GRIA1: variants seen among roughly 807,000 people sequenced by gnomAD.
GRIA1 encodes glutamate ionotropic receptor AMPA type subunit 1.
GRIA1 carries 31 observed loss-of-function variants against 99.2 expected under a neutral mutation model. That is an observed-to-expected ratio of 0.31 (90% CI 0.23 to 0.42). The LOEUF is 0.42. Ranked by LOEUF, GRIA1 falls within the 10% of genes least tolerant of loss-of-function variation. The probability of loss-of-function intolerance (pLI) is 1.00; values close to 1 mark genes in which losing one functional copy is unlikely to be tolerated. For missense variants in GRIA1, 782 were observed against 1,157.5 expected (o/e 0.68, Z 4.71); for synonymous variants, 438 against 432.4 (o/e 1.01, Z -0.16).
chr5:153,559,774 G>A (rs540785706), intron 2 of GRIA1, among the ~76,000 whole-genome samples: 2 of 152,142 alleles, frequency 1.3e-5, no homozygotes, highest in African/African-American at 4.8e-5. Flanking sequence ...GCAGGTCATT[G>A]TTAACCAAAA....
chr5:153,639,855 C>T (rs956483296), intron 2 of GRIA1, among the ~76,000 whole-genome samples: 27 of 152,192 alleles, frequency 1.8e-4, no homozygotes, highest in African/African-American at 6.0e-4. Flanking sequence ...TGTAGGACCT[C>T]ACATCCCCAG....
chr5:153,738,153 T>C (rs1490893059), intron 11 of GRIA1, among the ~76,000 whole-genome samples: 4 of 152,184 alleles, frequency 2.6e-5, no homozygotes, highest in Non-Finnish European at 5.9e-5. Context: ...AGGACATTCC[T>C]ATAGGTTGGG....
chr5:153,579,288 T>G (rs1010714328), intron 2 of GRIA1, among the ~76,000 whole-genome samples: 1 of 152,240 alleles, frequency 6.6e-6, no homozygotes, highest in African/African-American at 2.4e-5. Context: ...GTTCATTTGT[T>G]TATTGAAGTT....
chr5:153,669,187 G>A (rs1255756285), intron 5 of GRIA1, among the ~76,000 whole-genome samples: 1 of 152,118 alleles, frequency 6.6e-6, no homozygotes, highest in Admixed American at 6.6e-5. Context: ...TGTATATAAA[G>A]CATTTAACAG....
intron 11 of GRIA1, chr5:153,755,670 A>C (rs1322740931): frequency 1.3e-5 from 2 of 152,262 alleles, no homozygotes; most frequent in African/African-American, 4.8e-5. Flanking sequence ...ACATAGCGAG[A>C]TACTGTCTCT....
At chr5:153,762,244 G>A (rs1024237057) in intron 11 of GRIA1, among the ~76,000 whole-genome samples, 3 of 152,276 alleles carry the variant, frequency 2.0e-5, no homozygotes, top group African/African-American at 7.2e-5. Flanking sequence ...ATTATATAAT[G>A]TATACATATA....
At chr5:153,542,816 G>A (rs1473833590) in intron 2 of GRIA1, among the ~76,000 whole-genome samples, 1 of 152,068 alleles carries the variant, frequency 6.6e-6, no homozygotes, top group South Asian at 2.1e-4. Flanking sequence ...TCCTTCCATA[G>A]TGCCTTTTTT....
At chr5:153,498,919 C>G (rs144059430) in intron 2 of GRIA1, among the ~76,000 whole-genome samples, 20 of 152,242 alleles carry the variant, frequency 1.3e-4, no homozygotes, top group African/African-American at 4.3e-4. Flanking sequence ...TGTAAGTAGG[C>G]CAATCTACTC....
At position 153,638,138 on chromosome 5, in the gene GRIA1, T is replaced by C. The variant is rs577768992; in HGVS notation, c.221-8790T>C. Among the ~76,000 whole-genome samples the C allele has an allele frequency of 3.3e-5, 5 of 152,352 alleles. No homozygotes were observed. In the East Asian group the frequency reaches 9.6e-4, roughly 29 times the overall value. On this transcript the variant is annotated intron_variant, in intron 2 of 15. Coordinates refer to ENST00000285900, the MANE Select transcript of GRIA1 (RefSeq NM_000827.4). ...ATTCATTTATTCTCATATTCATTCA[T>C]GTCCAAAAATATTGTGTAGTCATTA... is the stretch of plus-strand genomic sequence containing the variant.
chr5:153,746,417 G>A (rs1422537526), intron 11 of GRIA1, among the ~76,000 whole-genome samples: 1 of 152,190 alleles, frequency 6.6e-6, no homozygotes, highest in Admixed American at 6.5e-5. Flanking sequence ...GTTAATTAAA[G>A]CAGAAGTGCA....
intron 2 of GRIA1, among the ~76,000 whole-genome samples, chr5:153,581,512 TC>T (rs2149375667): frequency 6.6e-6 from 1 of 152,192 alleles, no homozygotes; most frequent in Admixed American, 6.5e-5. Context: ...TAACTAAAGC[TC>T]TAAAGCTCTT....
chr5:153,616,030 C>G (rs1025410320), intron 2 of GRIA1, among the ~76,000 whole-genome samples: 3 of 152,144 alleles, frequency 2.0e-5, no homozygotes, highest in African/African-American at 7.2e-5. Flanking sequence ...TCAATGAAAG[C>G]AACATTACCC....
chr5:153,707,256 A>G (rs964832890), intron 11 of GRIA1, among the ~76,000 whole-genome samples: 1 of 152,162 alleles, frequency 6.6e-6, no homozygotes, highest in African/African-American at 2.4e-5. Flanking sequence ...TCTGTTTTAT[A>G]TATTGGACTT....
chr5:153,629,600 G>A lies in GRIA1; in HGVS notation c.221-17328G>A, dbSNP rs184214904. The stretch of plus-strand genomic sequence containing the variant: ...GATTTGGAAGCGGTACTTGGGCTCC[G>A]TGTACACACACTTGGGAACACATGC... On this transcript the variant is annotated intron_variant, in intron 2 of 15. Transcript: ENST00000285900. 2.4e-4 allele frequency among the ~76,000 whole-genome samples: 37 copies of A among 152,322 alleles called. No individual in the cohort carries two copies. The Middle Eastern group carries it at 0.01, about 42-fold the overall frequency.
At chr5:153,504,811 G>A (rs971209175) in intron 2 of GRIA1, among the ~76,000 whole-genome samples, 24 of 152,174 alleles carry the variant, frequency 1.6e-4, no homozygotes, top group Non-Finnish European at 2.9e-4. Flanking sequence ...GTTGTCGGCT[G>A]TAAAATGTTT....
At chr5:153,695,563 T>C (rs1758036835) in intron 8 of GRIA1, among the ~76,000 whole-genome samples, 1 of 152,214 alleles carries the variant, frequency 6.6e-6, no homozygotes, top group African/African-American at 2.4e-5. Context: ...GAGACCACAC[T>C]GTCTTGAGCA....
chr5:153,699,018 C>T lies in GRIA1; in HGVS notation c.1397C>T (p.Ala466Val). 6.2e-7 allele frequency: 1 copy of T among 1,613,916 alleles called. No homozygotes were observed. Among genetic ancestry groups the T allele is most frequent in the Non-Finnish European group, 8.5e-7 (1 of 1,179,906 alleles). The stretch of plus-strand genomic sequence containing the variant: ...ATTGTCAGTGATGGAAAATACGGAG[C>T]CCGAGACCCTGACACGAAGGCCTGG... ...LEIVSDGKYGARDPDTKAWNG... is the reference protein window; with the variant it reads ...LEIVSDGKYGVRDPDTKAWNG... Residue 466 changes from alanine to valine, a missense_variant, in exon 10 of 16, where the codon GCC becomes GTC. Ala to Val is a moderately conservative substitution (Grantham distance 64). This residue lies in a region of GRIA1 where 87 missense variants were observed against 184.5 expected (regional missense o/e 0.47). Transcript: ENST00000285900.
At chr5:153,629,079 T>C (rs1284048441) in intron 2 of GRIA1, among the ~76,000 whole-genome samples, 1 of 152,118 alleles carries the variant, frequency 6.6e-6, no homozygotes, top group African/African-American at 2.4e-5. Flanking sequence ...CAGGCAGGGG[T>C]GGGCCTGTGT....
chr5:153,633,591 T>C (rs1229406239), intron 2 of GRIA1, among the ~76,000 whole-genome samples: 1 of 152,200 alleles, frequency 6.6e-6, no homozygotes, highest in South Asian at 2.1e-4. Flanking sequence ...CTGGGCAGCA[T>C]GTGCTCTTGG....
Sources: allele counts gnomAD v4.1 joint callset (sites outside exome capture counted in the v4.1 genomes callset), GRCh38; gene constraint gnomAD v4.1.1; regional missense constraint gnomAD v4.1.1; transcripts MANE v1.5; gene names NCBI Gene and HGNC (gene_info 2026-07-23, HGNC 2026-07-21).